The following TRHR variants were observed in gnomAD, a reference collection of about 807,000 sequenced individuals.
The protein encoded by TRHR is thyrotropin-releasing hormone receptor.
A neutral mutation model predicts 28.0 loss-of-function variants in TRHR; 14 were observed. The observed-to-expected ratio is 0.50, with a 90% CI of 0.33 to 0.78. The LOEUF (loss-of-function observed/expected upper bound fraction) is 0.78, where lower values mean the gene tolerates loss of function less well. Ranked by LOEUF, TRHR falls within the 30% of genes least tolerant of loss-of-function variation. The pLI is 0.02. For missense variants in TRHR, 438 were observed against 469.5 expected (o/e 0.93, Z 0.62); for synonymous variants, 176 against 171.9 (o/e 1.02, Z -0.18).
intron 2 of TRHR, among the ~76,000 whole-genome samples, chr8:109,093,891 C>T (rs3110045): frequency 0.16 from 23,481 of 151,466 alleles, 2,388 homozygotes; most frequent in Admixed American, 0.31. Flanking sequence ...AGATAGTTAC[C>T]GACCAGCCTT....
intron 2 of TRHR, among the ~76,000 whole-genome samples, chr8:109,115,393 A>C (rs577751402): frequency 8.5e-5 from 13 of 152,168 alleles, no homozygotes; most frequent in East Asian, 1.9e-4. Context: ...CTATAAATTA[A>C]CTTGGGCAGT....
At chr8:109,106,867 T>C (rs988089201) in intron 2 of TRHR, among the ~76,000 whole-genome samples, 2 of 152,116 alleles carry the variant, frequency 1.3e-5, no homozygotes, top group Non-Finnish European at 2.9e-5. Flanking sequence ...ATGTTGCCCC[T>C]TGCAGGTAAA....
At chr8:109,099,714 G>A (rs1488420276) in intron 2 of TRHR, among the ~76,000 whole-genome samples, 2 of 152,160 alleles carry the variant, frequency 1.3e-5, no homozygotes, top group African/African-American at 4.8e-5. Flanking sequence ...AATAAAAATA[G>A]ATAACATTTC....
At chr8:109,098,964 A>T (rs565755612) in intron 2 of TRHR, among the ~76,000 whole-genome samples, 6 of 152,272 alleles carry the variant, frequency 3.9e-5, no homozygotes, top group Admixed American at 3.9e-4. Flanking sequence ...CAGAAACGTG[A>T]TCCTATTTAT....
At chr8:109,101,221 G>A (rs1416265792) in intron 2 of TRHR, among the ~76,000 whole-genome samples, 1 of 152,166 alleles carries the variant, frequency 6.6e-6, no homozygotes, top group Non-Finnish European at 1.5e-5. Context: ...GGGCCTAACA[G>A]AATAAGGTAA....
chr8:109,106,058 A>G (rs565770914), intron 2 of TRHR, among the ~76,000 whole-genome samples: 1 of 152,314 alleles, frequency 6.6e-6, no homozygotes, highest in South Asian at 2.1e-4. Context: ...AAAATTGCCA[A>G]ATGCAGGAAA....
At position 109,120,028 on chromosome 8, in the gene TRHR, A is replaced by G. The variant is rs1051281784; in HGVS notation, c.*573A>G. The stretch of plus-strand genomic sequence containing the variant: ...TATTTTAAAAGTTGCCATAATGTTT[A>G]TAAAATTCTGAGATGATTTTTATAT... On this transcript the variant is annotated 3_prime_UTR_variant, in exon 3 of 3. Coordinates refer to ENST00000518632, the MANE Select transcript of TRHR (RefSeq NM_003301.7). Among the ~76,000 whole-genome samples, 6 of 151,924 alleles carry G rather than the reference A, an allele frequency of 3.9e-5. No individual in the cohort carries two copies. Among genetic ancestry groups the G allele is most frequent in the African/African-American group, 7.2e-5 (3 of 41,430 alleles).
intron 2 of TRHR, among the ~76,000 whole-genome samples, chr8:109,102,566 C>T (rs539879694): frequency 6.1e-4 from 93 of 152,094 alleles, no homozygotes; most frequent in African/African-American, 2.1e-3. Context: ...TAAGGATGAT[C>T]ATGGTTGCAG....
chr8:109,113,262 C>A (rs535359549), intron 2 of TRHR, among the ~76,000 whole-genome samples: 47 of 152,220 alleles, frequency 3.1e-4, no homozygotes, highest in Admixed American at 2.7e-3. Context: ...TTTTGGCAAG[C>A]CTGTTTGGAG....
rs867801177 is a variant in TRHR, at chr8:109,107,548, T to C, written c.790-11500T>C. ...TGACCATATCATCCAAAAGAGACTC[T>C]GATGCAGTAATAATCTGTGTTGAAT... On this transcript the variant is annotated intron_variant, in intron 2 of 2. Coordinates refer to ENST00000518632, the MANE Select transcript of TRHR (RefSeq NM_003301.7). Among the ~76,000 whole-genome samples, 91 of 152,302 alleles carry C rather than the reference T, an allele frequency of 6.0e-4. 1 individual carries two copies. Among genetic ancestry groups the C allele is most frequent in the African/African-American group, 1.8e-3 (76 of 41,564 alleles).
intron 2 of TRHR, among the ~76,000 whole-genome samples, chr8:109,098,093 A>C: frequency 6.6e-6 from 1 of 151,090 alleles, no homozygotes; most frequent in African/African-American, 2.4e-5. Context: ...GCCTTGCCAC[A>C]TGTGAAGAAG....
At chr8:109,088,339 G>A in intron 2 of TRHR, 38 bp downstream of exon 2, 1 of 1,603,482 alleles carries the variant, frequency 6.2e-7, no homozygotes, top group African/African-American at 1.3e-5. Context: ...TAGAGGAAAT[G>A]TGGGATAGAG....
chr8:109,116,074 C>A (rs182860603), intron 2 of TRHR, among the ~76,000 whole-genome samples: 1,756 of 152,130 alleles, frequency 0.012, 13 homozygotes, highest in South Asian at 0.022. Context: ...TGGTTTTTGT[C>A]GTTGGTTCTG....
rs896183696 is a variant in TRHR, at chr8:109,088,976, T to A, written c.789+675T>A. ...TCATAAAGAATGATTGAAATTTTTT[T>A]AAAAATCGGTTTTTTCCTGCTAAGC... is the stretch of plus-strand genomic sequence containing the variant. On this transcript the variant is annotated intron_variant, in intron 2 of 2. Coordinates refer to ENST00000518632, the MANE Select transcript of TRHR (RefSeq NM_003301.7). 7.2e-5 allele frequency among the ~76,000 whole-genome samples: 11 copies of A among 152,164 alleles called. No homozygotes were observed. In the East Asian group the frequency reaches 1.7e-3, roughly 24 times the overall value.
chr8:109,099,123 G>T (rs1765647675), intron 2 of TRHR, among the ~76,000 whole-genome samples: 1 of 151,128 alleles, frequency 6.6e-6, no homozygotes, highest in African/African-American at 2.5e-5. Flanking sequence ...TAGAATTATT[G>T]AAAGAAATTG....
chr8:109,096,699 G>A (rs540668379), intron 2 of TRHR, among the ~76,000 whole-genome samples: 12 of 152,266 alleles, frequency 7.9e-5, no homozygotes, highest in Non-Finnish European at 1.5e-4. Context: ...TGACAAGCCA[G>A]GGCCCCCTCT....
intron 2 of TRHR, among the ~76,000 whole-genome samples, chr8:109,095,033 AG>A (rs1219031641): frequency 6.6e-6 from 1 of 151,780 alleles, no homozygotes; most frequent in African/African-American, 2.4e-5. Context: ...TGGGGTAAAA[AG>A]CAAAAGTTAT....
chr8:109,114,938 A>T (rs1811896002), intron 2 of TRHR, among the ~76,000 whole-genome samples: 1 of 151,976 alleles, frequency 6.6e-6, no homozygotes, highest in Non-Finnish European at 1.5e-5. Context: ...TAGGGATGCA[A>T]ATGCGTAACT....
intron 2 of TRHR, among the ~76,000 whole-genome samples, chr8:109,118,346 T>C (rs756723025): frequency 2.0e-5 from 3 of 151,964 alleles, no homozygotes; most frequent in Non-Finnish European, 2.9e-5. Flanking sequence ...TTTTTTGCAT[T>C]ATTCTTTTCA....
Sources: gnomAD v4.1 joint callset for allele counts (sites outside exome capture counted in the v4.1 genomes callset) on GRCh38, gnomAD v4.1.1 for gene constraint, MANE v1.5 for transcripts, NCBI Gene and HGNC (gene_info 2026-07-23, HGNC 2026-07-21) for gene names.